FHIT: variants seen among roughly 807,000 people sequenced by gnomAD.
The protein encoded by FHIT is fragile histidine triad diadenosine triphosphatase, also known as bis(5'-adenosyl)-triphosphatase.
Under a neutral mutation model 17.9 loss-of-function variants are expected in FHIT, and 19 were observed. The observed-to-expected ratio is 1.06, with a 90% CI of 0.74 to 1.56. The LOEUF (loss-of-function observed/expected upper bound fraction) is 1.56. Ranked by LOEUF, FHIT falls within the 40% of genes most tolerant of loss-of-function variation. FHIT has a pLI of 0.00. For synonymous variants in FHIT, 81 were observed against 69.7 expected, an observed-to-expected ratio of 1.16 and a Z score of -0.81; for missense variants, 248 against 189.2, an observed-to-expected ratio of 1.31 and a Z score of -1.82.
intron 5 of FHIT, among the ~76,000 whole-genome samples, chr3:60,266,717 G>T (rs867472348): frequency 6.6e-6 from 1 of 151,816 alleles, no homozygotes; most frequent in Non-Finnish European, 1.5e-5. Context: ...TAAAATAGAG[G>T]GTCTCTGACA....
Position 60,357,445 on chromosome 3 carries a change from A to G in FHIT, c.103+179415T>C, listed in dbSNP as rs916240174. On this transcript the variant is annotated intron_variant, in intron 5 of 9. Transcript: ENST00000492590. ...TTTTTAGTAGAGACAGGGTTTCGCT[A>G]TGTTGGTCAGACTGGTCTCAAACTC... Among the ~76,000 whole-genome samples, 6 of 152,036 alleles carry G rather than the reference A, an allele frequency of 3.9e-5. No individual in the cohort carries two copies. The South Asian group carries it at 1.0e-3, about 26-fold the overall frequency.
chr3:60,646,126 TG>T (rs2039850787), intron 4 of FHIT, among the ~76,000 whole-genome samples: 1 of 152,190 alleles, frequency 6.6e-6, no homozygotes, highest in Admixed American at 6.5e-5. Flanking sequence ...GGATTTTAAA[TG>T]TTCTTTTAAC....
intron 3 of FHIT, among the ~76,000 whole-genome samples, chr3:60,881,558 A>G (rs1026469022): frequency 1.2e-4 from 18 of 152,206 alleles, no homozygotes; most frequent in African/African-American, 4.3e-4. Flanking sequence ...ACAAATTTAA[A>G]AGAAGTGAAA....
intron 7 of FHIT, among the ~76,000 whole-genome samples, chr3:59,996,450 G>A (rs907363614): frequency 6.6e-6 from 1 of 152,024 alleles, no homozygotes; most frequent in African/African-American, 2.4e-5. Context: ...AGCCTCAGGG[G>A]AATAGGAGGC....
At chr3:60,157,336 A>G (rs1192211562) in intron 5 of FHIT, among the ~76,000 whole-genome samples, 2 of 152,226 alleles carry the variant, frequency 1.3e-5, no homozygotes, top group Admixed American at 6.5e-5. Context: ...CGCAACGTGG[A>G]AAAGTCCAGT....
At chr3:59,892,157 G>A (rs1452886443) in intron 8 of FHIT, among the ~76,000 whole-genome samples, 3 of 152,142 alleles carry the variant, frequency 2.0e-5, no homozygotes, top group Non-Finnish European at 4.4e-5. Context: ...ACAACAAAAG[G>A]AGAAACTAGC....
intron 4 of FHIT, among the ~76,000 whole-genome samples, chr3:60,593,022 C>T (rs1553664927): frequency 6.6e-6 from 1 of 152,112 alleles, no homozygotes; most frequent in East Asian, 1.9e-4. Context: ...ATTGATGGCA[C>T]AGACAGGCAT....
chr3:60,731,779 G>T (rs2042035057), intron 4 of FHIT, among the ~76,000 whole-genome samples: 1 of 152,106 alleles, frequency 6.6e-6, no homozygotes, highest in African/African-American at 2.4e-5. Context: ...GGTGCCAGCT[G>T]CAACCAATTA....
At chr3:59,961,916 G>T (rs1322737615) in intron 7 of FHIT, among the ~76,000 whole-genome samples, 1 of 29,824 alleles carries the variant, frequency 3.4e-5, no homozygotes, top group Admixed American at 5.4e-4. Context: ...GCTAACTGTG[G>T]GCTTTCCTAA....
At chr3:60,547,883 T>C (rs982810470) in intron 4 of FHIT, among the ~76,000 whole-genome samples, 4 of 152,088 alleles carry the variant, frequency 2.6e-5, no homozygotes, top group African/African-American at 7.2e-5. Context: ...GGCCCCAAAC[T>C]GGGAAATCTC....
intron 4 of FHIT, among the ~76,000 whole-genome samples, chr3:60,785,934 C>CACACACACAGAG (rs139392863): frequency 2.5e-4 from 34 of 138,000 alleles, no homozygotes; most frequent in Non-Finnish European, 4.3e-4. Context: ...CACACACACA[C>CACACACACAGAG]AGAGAGAGTA....
intron 3 of FHIT, among the ~76,000 whole-genome samples, chr3:60,951,905 C>T (rs1708901107): frequency 6.6e-6 from 1 of 152,064 alleles, no homozygotes; most frequent in South Asian, 2.1e-4. Flanking sequence ...GTGGCTGATG[C>T]CTGGAGTCCC....
chr3:61,153,398 T>C (rs2037450373), intron 2 of FHIT, among the ~76,000 whole-genome samples: 1 of 152,138 alleles, frequency 6.6e-6, no homozygotes, highest in African/African-American at 2.4e-5. Context: ...GGAAATACAA[T>C]TTTTAAAGGG....
At chr3:59,922,164 T>A (rs1575700840) in intron 8 of FHIT, among the ~76,000 whole-genome samples, 182 bp downstream of exon 8, 1 of 152,188 alleles carries the variant, frequency 6.6e-6, no homozygotes, top group Admixed American at 6.5e-5. Context: ...TTATAATTAA[T>A]TAGTCATGGG....
intron 5 of FHIT, among the ~76,000 whole-genome samples, chr3:60,126,427 C>T (rs1456576721): frequency 5.3e-5 from 8 of 152,162 alleles, no homozygotes; most frequent in Admixed American, 5.2e-4. Context: ...TTAGGGAATA[C>T]AGTAACAAAC....
chr3:60,945,494 G>C (rs1371171366), intron 3 of FHIT, among the ~76,000 whole-genome samples: 3 of 152,158 alleles, frequency 2.0e-5, no homozygotes, highest in Non-Finnish European at 4.4e-5. Flanking sequence ...CTGGGTTCGA[G>C]TGATTCTCCA....
At chr3:61,034,741 G>C (rs190163763) in intron 3 of FHIT, among the ~76,000 whole-genome samples, 1 of 152,246 alleles carries the variant, frequency 6.6e-6, no homozygotes, top group East Asian at 1.9e-4. Context: ...CAAAAATTTA[G>C]ATATGGAATT....
intron 5 of FHIT, among the ~76,000 whole-genome samples, chr3:60,223,892 G>C (rs1281228852): frequency 6.6e-6 from 1 of 152,056 alleles, no homozygotes; most frequent in African/African-American, 2.4e-5. Flanking sequence ...CATTCTCAAA[G>C]CGGAGTCAAG....
At chr3:60,050,380 T>C (rs973840969) in intron 5 of FHIT, among the ~76,000 whole-genome samples, 1 of 152,180 alleles carries the variant, frequency 6.6e-6, no homozygotes, top group Non-Finnish European at 1.5e-5. Context: ...TTTCTACTCT[T>C]GGTTTATAGT....
Sources: allele counts gnomAD v4.1 joint callset (sites outside exome capture counted in the v4.1 genomes callset), GRCh38; gene constraint gnomAD v4.1.1; transcripts MANE v1.5; gene names NCBI Gene and HGNC (gene_info 2026-07-23, HGNC 2026-07-21).